BTRC: variants seen among roughly 807,000 people sequenced by gnomAD.
BTRC encodes the protein beta-transducin repeat containing E3 ubiquitin protein ligase, also known as F-box/WD repeat-containing protein 1A.
Under a neutral mutation model 85.5 loss-of-function variants are expected in BTRC, and 42 were observed. The ratio of observed to expected loss-of-function variants is 0.49; its 90% CI spans 0.38 to 0.64. The LOEUF (loss-of-function observed/expected upper bound fraction) is 0.64, where lower values mean the gene tolerates loss of function less well. BTRC is among the 30% of genes least tolerant of loss of function. The probability of loss-of-function intolerance (pLI) is 0.00; values close to 1 mark genes in which losing one functional copy is unlikely to be tolerated. For synonymous variants in BTRC, 255 were observed against 263.3 expected (o/e 0.97, Z 0.30); for missense variants, 594 against 743.5 (o/e 0.80, Z 2.34).
At chr10:101,472,958 C>T (rs1386374796) in intron 3 of BTRC, among the ~76,000 whole-genome samples, 1 of 152,058 alleles carries the variant, frequency 6.6e-6, no homozygotes, top group Non-Finnish European at 1.5e-5. Flanking sequence ...TTTAACATGA[C>T]TGGGGTTTGC....
rs564048359 is a variant in BTRC at position 101,462,679 on chromosome 10, C to CAAAAA, written c.234+635_234+639dup. On this transcript the variant is annotated intron_variant, in intron 3 of 14. Transcript: ENST00000370187. The stretch of plus-strand genomic sequence containing the variant: ...GGGCAACAAGAGCAAAACTCCGTCT[C>CAAAAA]AAAAAAAAAAAAAAAAAATAGCTCA... Among the ~76,000 whole-genome samples the CAAAAA allele has an allele frequency of 5.0e-5, 5 of 99,336 alleles. No individual in the cohort carries two copies. The East Asian group carries it at 1.2e-3, about 24-fold the overall frequency. The allele number at this position is 99,336 out of a possible 152,430, so 65.2% of individuals were successfully genotyped here. A position where few individuals can be genotyped will look rare whatever the true frequency, so the allele number is the denominator to read the frequency against.
At chr10:101,509,525 A>G (rs1946639839) in intron 4 of BTRC, among the ~76,000 whole-genome samples, 1 of 145,946 alleles carries the variant, frequency 6.9e-6, no homozygotes, top group African/African-American at 2.5e-5. Context: ...AAGTGCTGGG[A>G]TTACAGGCGT....
intron 3 of BTRC, among the ~76,000 whole-genome samples, chr10:101,472,870 G>A (rs757507342): frequency 7.9e-5 from 12 of 151,964 alleles, no homozygotes; most frequent in Non-Finnish European, 1.3e-4. Context: ...CCTTGGCTCC[G>A]TTCAAGGTTT....
intron 1 of BTRC, among the ~76,000 whole-genome samples, chr10:101,407,184 C>T (rs908156801): frequency 2.6e-5 from 4 of 152,010 alleles, no homozygotes; most frequent in African/African-American, 9.7e-5. Flanking sequence ...ATAGCAAGAA[C>T]TTGTCTGTAC....
chr10:101,487,712 A>C (rs1428874750), intron 4 of BTRC, among the ~76,000 whole-genome samples: 1 of 152,172 alleles, frequency 6.6e-6, no homozygotes, highest in Non-Finnish European at 1.5e-5. Flanking sequence ...CAGGGATCCT[A>C]CCCAGTCGGA....
intron 13 of BTRC, among the ~76,000 whole-genome samples, chr10:101,544,277 C>T (rs148866054): frequency 0.011 from 1,711 of 152,280 alleles, 16 homozygotes; most frequent in Middle Eastern, 0.027. Context: ...TTTCTATTGC[C>T]TCCCATTCCT....
chr10:101,492,576 A>G (rs1474278459), intron 4 of BTRC, among the ~76,000 whole-genome samples: 2 of 152,212 alleles, frequency 1.3e-5, no homozygotes, highest in South Asian at 2.1e-4. Flanking sequence ...ATCTGTTTCC[A>G]TGAATCTTGC....
At chr10:101,515,818 T>C (rs1231667441) in intron 4 of BTRC, among the ~76,000 whole-genome samples, 3 of 152,210 alleles carry the variant, frequency 2.0e-5, no homozygotes, top group African/African-American at 7.2e-5. Flanking sequence ...GGCTAAACTT[T>C]ATCAAATTTA....
At chr10:101,448,301 G>A (rs1413092173) in intron 2 of BTRC, among the ~76,000 whole-genome samples, 1 of 152,052 alleles carries the variant, frequency 6.6e-6, no homozygotes, top group Non-Finnish European at 1.5e-5. Context: ...ACATCAAAGA[G>A]CATTGCTTTA....
intron 4 of BTRC, among the ~76,000 whole-genome samples, chr10:101,512,736 C>T (rs2061972492): frequency 6.6e-6 from 1 of 152,168 alleles, no homozygotes; most frequent in African/African-American, 2.4e-5. Flanking sequence ...GGAAACTAGT[C>T]CCTAGCCTTT....
At chr10:101,493,542 A>G (rs1946186695) in intron 4 of BTRC, among the ~76,000 whole-genome samples, 1 of 152,252 alleles carries the variant, frequency 6.6e-6, no homozygotes, top group South Asian at 2.1e-4. Flanking sequence ...GGGTAGATGT[A>G]GCAAATGGGG....
At chr10:101,481,017 C>G (rs1217721303) in intron 4 of BTRC, among the ~76,000 whole-genome samples, 4 of 152,152 alleles carry the variant, frequency 2.6e-5, no homozygotes, top group Admixed American at 2.0e-4. Flanking sequence ...CTCCAGGGCT[C>G]AAGCCCTGAT....
chr10:101,417,010 G>T (rs562703661), intron 1 of BTRC, among the ~76,000 whole-genome samples: 2 of 150,998 alleles, frequency 1.3e-5, no homozygotes, highest in Admixed American at 6.6e-5. Flanking sequence ...AATGCAAATT[G>T]TTTTTTTTTC....
chr10:101,551,969 A>T (rs899586389), intron 14 of BTRC, among the ~76,000 whole-genome samples: 1 of 152,168 alleles, frequency 6.6e-6, no homozygotes, highest in Non-Finnish European at 1.5e-5. Context: ...ATATGCCCTC[A>T]GGAAAAACTG....
At chr10:101,483,899 T>C (rs1485241116) in intron 4 of BTRC, among the ~76,000 whole-genome samples, 1 of 152,226 alleles carries the variant, frequency 6.6e-6, no homozygotes, top group Non-Finnish European at 1.5e-5. Context: ...CTGAAAAGCA[T>C]TACTTTTTTA....
chr10:101,504,078 T>G (rs1442185603), intron 4 of BTRC, among the ~76,000 whole-genome samples: 1 of 152,148 alleles, frequency 6.6e-6, no homozygotes, highest in Non-Finnish European at 1.5e-5. Context: ...TGGGGGTAAG[T>G]TGGGCAGAAG....
intron 4 of BTRC, among the ~76,000 whole-genome samples, chr10:101,485,604 G>C (rs4436485): frequency 0.3 from 45,077 of 152,124 alleles, 7,976 homozygotes; most frequent in Middle Eastern, 0.47. Context: ...CCGTGTTTCT[G>C]TAAATTTCTT....
chr10:101,530,285 G>C (rs2062260603), intron 6 of BTRC, among the ~76,000 whole-genome samples: 1 of 152,082 alleles, frequency 6.6e-6, no homozygotes, highest in African/African-American at 2.4e-5. Context: ...TTCCCTAGCT[G>C]CTGCTGGACA....
intron 2 of BTRC, among the ~76,000 whole-genome samples, chr10:101,435,317 C>T (rs896981261): frequency 6.6e-6 from 1 of 152,102 alleles, no homozygotes; most frequent in African/African-American, 2.4e-5. Context: ...AGATACACAA[C>T]AGTTTCATAA....
Sources: allele counts gnomAD v4.1 joint callset (sites outside exome capture counted in the v4.1 genomes callset), GRCh38; gene constraint gnomAD v4.1.1; transcripts MANE v1.5; gene names NCBI Gene and HGNC (gene_info 2026-07-23, HGNC 2026-07-21).